PCCA: variants seen among roughly 807,000 people sequenced by gnomAD.
PCCA encodes propionyl-CoA carboxylase alpha chain, mitochondrial.
A neutral mutation model predicts 101.3 loss-of-function variants in PCCA; 74 were observed. That is an observed-to-expected ratio of 0.73 (90% CI 0.61 to 0.89). PCCA has a LOEUF of 0.89. Among genes scored for constraint, PCCA ranks in the 40% least tolerant of loss-of-function variants. PCCA has a pLI of 0.00. For synonymous variants in PCCA, 294 were observed against 313.6 expected, an observed-to-expected ratio of 0.94 and a Z score of 0.66; for missense variants, 891 against 907.0, an observed-to-expected ratio of 0.98 and a Z score of 0.23.
intron 18 of PCCA, among the ~76,000 whole-genome samples, chr13:100,360,311 T>G (rs944012312): frequency 6.6e-6 from 1 of 152,022 alleles, no homozygotes; most frequent in African/African-American, 2.4e-5. Flanking sequence ...AAGATGAGAT[T>G]TAGGTGGGGA....
chr13:100,185,670 G>A (rs1285453310), intron 6 of PCCA, among the ~76,000 whole-genome samples: 5 of 149,524 alleles, frequency 3.3e-5, no homozygotes, highest in African/African-American at 4.9e-5. Flanking sequence ...TTTGTGAGAC[G>A]GAGTTTTGCT....
intron 19 of PCCA, among the ~76,000 whole-genome samples, chr13:100,422,520 C>T (rs1231868406): frequency 6.6e-6 from 1 of 152,182 alleles, no homozygotes. Flanking sequence ...CAAGTTTTAT[C>T]CTGTTATGTA....
chr13:100,194,350 C>T (rs1188893306), intron 6 of PCCA, among the ~76,000 whole-genome samples: 1 of 151,982 alleles, frequency 6.6e-6, no homozygotes. Context: ...TAAATATTTT[C>T]AAAGAAAATA....
chr13:100,149,909 A>G (rs2053082167), intron 4 of PCCA, among the ~76,000 whole-genome samples: 1 of 152,214 alleles, frequency 6.6e-6, no homozygotes, highest in African/African-American at 2.4e-5. Flanking sequence ...TATCACTCAT[A>G]TGCAATCTAT....
chr13:100,209,341 G>A lies in PCCA; in HGVS notation c.478G>A (p.Asp160Asn). 1.2e-6 allele frequency: 2 copies of A among 1,613,818 alleles called. No individual in the cohort carries two copies. Among genetic ancestry groups the A allele is most frequent in the South Asian group, 2.2e-5 (2 of 91,070 alleles). Reference protein sequence around the residue: ...KEFARCLAAEDVVFIGPDTHA... With the variant: ...KEFARCLAAENVVFIGPDTHA... The stretch of plus-strand genomic sequence containing the variant: ...TTGTTTTTCTCCACAGGCAGCAGAA[G>A]ATGTCGTTTTCATTGGACCTGACAC... Residue 160 changes from aspartate (D) to asparagine (N), a missense_variant, in exon 7 of 24, where the codon GAT becomes AAT. Transcript: ENST00000376285.
chr13:100,298,675 C>T (rs2065817129), intron 12 of PCCA, among the ~76,000 whole-genome samples: 1 of 2,146 alleles, frequency 4.7e-4, no homozygotes, highest in African/African-American at 1.3e-3. Context: ...TCCCTCCCTC[C>T]TTCCTTCCTT....
intron 6 of PCCA, among the ~76,000 whole-genome samples, chr13:100,185,711 G>A (rs925477339): frequency 6.6e-5 from 10 of 150,606 alleles, no homozygotes; most frequent in South Asian, 2.1e-4. Flanking sequence ...GCAATGGTGC[G>A]ATCTCGGCTC....
intron 6 of PCCA, among the ~76,000 whole-genome samples, chr13:100,182,361 T>A (rs1056975735): frequency 6.6e-6 from 1 of 152,152 alleles, no homozygotes. Flanking sequence ...CCTCCCAAAG[T>A]GCTAGGATTA....
At chr13:100,357,756 A>G (rs2074103058) in intron 18 of PCCA, among the ~76,000 whole-genome samples, 1 of 152,242 alleles carries the variant, frequency 6.6e-6, no homozygotes, top group African/African-American at 2.4e-5. Flanking sequence ...TATTGCATGC[A>G]TTAAGGCATG....
At chr13:100,407,592 T>A (rs759108075) in intron 19 of PCCA, among the ~76,000 whole-genome samples, 1 of 152,224 alleles carries the variant, frequency 6.6e-6, no homozygotes, top group Non-Finnish European at 1.5e-5. Flanking sequence ...ATATTATACC[T>A]TTTGGAATTT....
At chr13:100,338,782 C>T (rs1566957982) in intron 17 of PCCA, among the ~76,000 whole-genome samples, 1 of 150,274 alleles carries the variant, frequency 6.7e-6, no homozygotes, top group African/African-American at 2.5e-5. Flanking sequence ...AGGTTTGTCT[C>T]AAAAGAGGGT....
intron 19 of PCCA, among the ~76,000 whole-genome samples, chr13:100,403,666 A>G (rs1221710125): frequency 2.0e-5 from 3 of 152,108 alleles, no homozygotes; most frequent in African/African-American, 7.2e-5. Flanking sequence ...GGCCATGAAA[A>G]TTCAGGCCCA....
intron 16 of PCCA, among the ~76,000 whole-genome samples, chr13:100,320,400 G>T (rs1439117559): frequency 5.3e-5 from 8 of 152,160 alleles, no homozygotes; most frequent in African/African-American, 1.9e-4. Context: ...CCTGTCTTGT[G>T]CCAGTTTTCA....
intron 19 of PCCA, among the ~76,000 whole-genome samples, chr13:100,411,289 G>C (rs866415147): frequency 5.3e-5 from 8 of 149,924 alleles, no homozygotes; most frequent in Middle Eastern, 3.4e-3. Flanking sequence ...GCAGTGGCAC[G>C]ATCTTGACTC....
intron 1 of PCCA, among the ~76,000 whole-genome samples, chr13:100,096,833 TGA>T (rs768141521): frequency 3.3e-5 from 5 of 152,152 alleles, no homozygotes; most frequent in African/African-American, 4.8e-5. Context: ...CTGCGAAGGC[TGA>T]GAGAGGTGAG....
intron 8 of PCCA, among the ~76,000 whole-genome samples, chr13:100,242,292 TA>T (rs1316478795): frequency 2.0e-5 from 3 of 152,206 alleles, no homozygotes; most frequent in Non-Finnish European, 4.4e-5. Flanking sequence ...AGATAAACTT[TA>T]AGTCCAAAAC....
intron 1 of PCCA, among the ~76,000 whole-genome samples, chr13:100,099,724 A>G (rs1403655020): frequency 2.0e-5 from 3 of 152,088 alleles, no homozygotes; most frequent in Non-Finnish European, 2.9e-5. Flanking sequence ...CTAAAAGCCT[A>G]CCATTTCCCC....
intron 12 of PCCA, among the ~76,000 whole-genome samples, chr13:100,288,098 A>G (rs1215087659): frequency 2.6e-5 from 4 of 152,134 alleles, no homozygotes; most frequent in African/African-American, 9.7e-5. Flanking sequence ...TAAGAAAGAG[A>G]TAGACGGAGT....
chr13:100,204,707 A>G (rs1267312032), intron 6 of PCCA, among the ~76,000 whole-genome samples: 1 of 152,116 alleles, frequency 6.6e-6, no homozygotes, highest in Non-Finnish European at 1.5e-5. Flanking sequence ...CCATTCTTCT[A>G]TTAAAATTTG....
Sources: gnomAD v4.1 joint callset for allele counts (sites outside exome capture counted in the v4.1 genomes callset) on GRCh38, gnomAD v4.1.1 for gene constraint, MANE v1.5 for transcripts, NCBI Gene and HGNC (gene_info 2026-07-23, HGNC 2026-07-21) for gene names.